PTPRM: variants seen among roughly 807,000 people sequenced by gnomAD.
PTPRM encodes the protein protein tyrosine phosphatase receptor type M, also known as receptor-type tyrosine-protein phosphatase mu.
In PTPRM, 47 loss-of-function variants were observed where a neutral mutation model predicts 186.7. The observed-to-expected ratio is 0.25, with a 90% CI of 0.20 to 0.32. PTPRM has a LOEUF of 0.32. Among genes scored for constraint, PTPRM ranks in the 10% least tolerant of loss-of-function variants. PTPRM has a pLI of 1.00. For missense variants in PTPRM, 1,494 were observed against 1,865.0 expected (o/e 0.80, Z 3.66); for synonymous variants, 668 against 674.9 (o/e 0.99, Z 0.16).
At chr18:8,018,901 G>T (rs763721540) in intron 7 of PTPRM, among the ~76,000 whole-genome samples, 11 of 152,104 alleles carry the variant, frequency 7.2e-5, no homozygotes, top group Non-Finnish European at 1.3e-4. Context: ...GTATTAGGTG[G>T]CAAGACTTCC....
At chr18:8,262,890 T>C (rs973397687) in intron 19 of PTPRM, among the ~76,000 whole-genome samples, 3 of 152,156 alleles carry the variant, frequency 2.0e-5, no homozygotes, top group Non-Finnish European at 4.4e-5. Context: ...CACCTGTTCC[T>C]GGGGAAATGA....
chr18:7,889,092 G>C (rs2048928745), intron 3 of PTPRM, among the ~76,000 whole-genome samples: 1 of 152,012 alleles, frequency 6.6e-6, no homozygotes, highest in Non-Finnish European at 1.5e-5. Context: ...ACCTGCACCT[G>C]TTCCTCCTGA....
Position 8,261,690 on chromosome 18 carries a change from A to G in PTPRM, c.2754+8276A>G, listed in dbSNP as rs559651521. On this transcript the variant is annotated intron_variant, in intron 19 of 32. Transcript: ENST00000580170. ...TTCGTTTGCCCTTGCCTCTGATGAC[A>G]TCATATACAAGCTCAGACTTCAGAA... Among the ~76,000 whole-genome samples, 11 of 152,276 alleles carry G rather than the reference A, an allele frequency of 7.2e-5. 1 individual carries two copies. The South Asian group carries it at 2.3e-3, about 32-fold the overall frequency.
intron 29 of PTPRM, among the ~76,000 whole-genome samples, chr18:8,383,129 C>T (rs28639718): frequency 6.6e-6 from 1 of 151,728 alleles, no homozygotes; most frequent in South Asian, 2.1e-4. Context: ...GAAACCCCCT[C>T]TCCACTAAAA....
At chr18:8,035,582 T>A (rs1008422090) in intron 7 of PTPRM, among the ~76,000 whole-genome samples, 1 of 152,114 alleles carries the variant, frequency 6.6e-6, no homozygotes, top group Non-Finnish European at 1.5e-5. Context: ...ATTGTTTTTT[T>A]CCCCCAATAT....
chr18:7,977,749 C>A (rs1322672798), intron 7 of PTPRM, among the ~76,000 whole-genome samples: 1 of 142,770 alleles, frequency 7.0e-6, no homozygotes, highest in Admixed American at 7.0e-5. Flanking sequence ...AACAAGAACA[C>A]AAAGCTCATG....
At chr18:7,621,097 G>T (rs1286291608) in intron 1 of PTPRM, among the ~76,000 whole-genome samples, 2 of 152,140 alleles carry the variant, frequency 1.3e-5, no homozygotes, top group Non-Finnish European at 2.9e-5. Context: ...ATTGTATGCT[G>T]CAATATTCTA....
chr18:7,624,239 T>C (rs2038006947), intron 1 of PTPRM, among the ~76,000 whole-genome samples: 1 of 152,172 alleles, frequency 6.6e-6, no homozygotes, highest in South Asian at 2.1e-4. Context: ...CCATGTTCTT[T>C]CCACTGTGCT....
At chr18:7,590,668 A>G (rs982153142) in intron 1 of PTPRM, among the ~76,000 whole-genome samples, 2 of 152,230 alleles carry the variant, frequency 1.3e-5, no homozygotes, top group Non-Finnish European at 2.9e-5. Context: ...AAGAATATTT[A>G]AGGGTGTGAG....
intron 1 of PTPRM, among the ~76,000 whole-genome samples, chr18:7,644,722 AAGT>A (rs1021159644): frequency 2.2e-4 from 33 of 152,292 alleles, no homozygotes; most frequent in African/African-American, 7.2e-4. Context: ...GAGGAAATCT[AAGT>A]AGGAAATCAG....
At chr18:7,575,148 C>T (rs1186201379) in intron 1 of PTPRM, among the ~76,000 whole-genome samples, 2 of 152,206 alleles carry the variant, frequency 1.3e-5, no homozygotes, top group Admixed American at 1.3e-4. Context: ...ACCATTGCAT[C>T]TCTGTCATTT....
At chr18:8,076,360 C>G (rs2089813489) in intron 8 of PTPRM, 95 bp from the exon 9 acceptor site, 9 of 727,498 alleles carry the variant, frequency 1.2e-5, no homozygotes, top group South Asian at 1.2e-4. Context: ...CTATTAAAAT[C>G]TTTTCTCTCA....
chr18:7,711,133 G>T (rs1462862363), intron 1 of PTPRM, among the ~76,000 whole-genome samples: 2 of 152,018 alleles, frequency 1.3e-5, no homozygotes, highest in Non-Finnish European at 2.9e-5. Flanking sequence ...TGAGGTACCC[G>T]GCTCATCTCA....
chr18:7,718,902 G>A (rs1316325486), intron 1 of PTPRM, among the ~76,000 whole-genome samples: 5 of 152,148 alleles, frequency 3.3e-5, no homozygotes, highest in African/African-American at 9.7e-5. Flanking sequence ...AATAATAGAT[G>A]TTGGTATGGT....
At chr18:8,255,406 C>T (rs1367323339) in intron 19 of PTPRM, among the ~76,000 whole-genome samples, 1 of 152,106 alleles carries the variant, frequency 6.6e-6, no homozygotes, top group East Asian at 1.9e-4. Flanking sequence ...AAATATTTCC[C>T]ATTCAGATCT....
rs2092372211 is a variant in PTPRM, at chr18:8,126,663, ATGTC to A, written c.2167+11841_2167+11844del. ...GGCAGAGCTAAGATGTAGGTAGATA[ATGTC>A]TGTCCTTCTGGGGACCCAAGGTTCT... On this transcript the variant is annotated intron_variant, in intron 13 of 32. Transcript: ENST00000580170. Among the ~76,000 whole-genome samples, 5 of 152,258 alleles carry A rather than the reference ATGTC, an allele frequency of 3.3e-5. No homozygotes were observed. In the South Asian group the frequency reaches 1.0e-3, roughly 32 times the overall value.
chr18:8,173,671 G>A (rs8086815), intron 14 of PTPRM, among the ~76,000 whole-genome samples: 25,374 of 152,168 alleles, frequency 0.17, 2,356 homozygotes, highest in African/African-American at 0.25. Context: ...GAATAGCTTG[G>A]CAGGCCAGAG....
At chr18:7,714,926 T>G (rs901004192) in intron 1 of PTPRM, among the ~76,000 whole-genome samples, 3 of 152,114 alleles carry the variant, frequency 2.0e-5, no homozygotes, top group African/African-American at 7.2e-5. Context: ...ACAGCCGAAT[T>G]CTACGAGAGG....
chr18:8,158,274 G>A (rs1339852761), intron 14 of PTPRM, among the ~76,000 whole-genome samples: 1 of 152,222 alleles, frequency 6.6e-6, no homozygotes, highest in African/African-American at 2.4e-5. Context: ...CACAGTTGAT[G>A]TCTCAAGATG....
Sources: allele counts gnomAD v4.1 joint callset (sites outside exome capture counted in the v4.1 genomes callset), GRCh38; gene constraint gnomAD v4.1.1; transcripts MANE v1.5; gene names NCBI Gene and HGNC (gene_info 2026-07-23, HGNC 2026-07-21).